ACTL8: variants seen among roughly 807,000 people sequenced by gnomAD.
ACTL8 encodes actin-like protein 8.
Under a neutral mutation model 9.3 loss-of-function variants are expected in ACTL8, and 3 were observed. That is an observed-to-expected ratio of 0.32 (90% CI 0.15 to 0.83). The LOEUF (loss-of-function observed/expected upper bound fraction) is 0.83. ACTL8 is among the 40% of genes least tolerant of loss of function. ACTL8 has a pLI of 0.57. For synonymous variants in ACTL8, 224 were observed against 205.9 expected, an observed-to-expected ratio of 1.09 and a Z score of -0.75; for missense variants, 381 against 492.2, an observed-to-expected ratio of 0.77 and a Z score of 2.14.
intron 1 of ACTL8, among the ~76,000 whole-genome samples, chr1:17,814,321 CTCCATA>C (rs2066410854): frequency 6.6e-6 from 1 of 152,200 alleles, no homozygotes. Context: ...ACAGAGCAGA[CTCCATA>C]TCTACCAACA....
At chr1:17,783,769 C>G (rs1331763884) in intron 1 of ACTL8, among the ~76,000 whole-genome samples, 2 of 152,240 alleles carry the variant, frequency 1.3e-5, no homozygotes, top group East Asian at 3.9e-4. Context: ...GAAAGCTTCT[C>G]TTAAGCTCCA....
chr1:17,805,913 C>T (rs2066357251), intron 1 of ACTL8, among the ~76,000 whole-genome samples: 1 of 152,236 alleles, frequency 6.6e-6, no homozygotes, highest in African/African-American at 2.4e-5. Context: ...TACCTATCCA[C>T]TCTTGTCCTA....
intron 2 of ACTL8, among the ~76,000 whole-genome samples, chr1:17,824,652 C>T (rs1165803718): frequency 1.3e-5 from 2 of 152,188 alleles, no homozygotes; most frequent in Admixed American, 1.3e-4. Context: ...GGCATACTTA[C>T]ACTACAATAT....
At chr1:17,783,261 G>A (rs943791655) in intron 1 of ACTL8, among the ~76,000 whole-genome samples, 12 of 152,092 alleles carry the variant, frequency 7.9e-5, no homozygotes, top group South Asian at 2.1e-4. Context: ...TTGAATCATG[G>A]GGGCAAATCT....
chr1:17,775,145 C>T (rs935019542), intron 1 of ACTL8, among the ~76,000 whole-genome samples: 10 of 152,218 alleles, frequency 6.6e-5, no homozygotes, highest in Non-Finnish European at 8.8e-5. Context: ...TAGCCTGATG[C>T]TCTCTAAATA....
chr1:17,821,141 G>T (rs2053657266), intron 1 of ACTL8, among the ~76,000 whole-genome samples: 1 of 151,730 alleles, frequency 6.6e-6, no homozygotes. Flanking sequence ...AAAAAAATTG[G>T]CTTGTTTCTC....
At chr1:17,760,127 G>A (rs1281179671) in intron 1 of ACTL8, among the ~76,000 whole-genome samples, 1 of 152,114 alleles carries the variant, frequency 6.6e-6, no homozygotes, top group East Asian at 1.9e-4. Context: ...GCTTTTTTGT[G>A]TTATGCGTTT....
intron 1 of ACTL8, among the ~76,000 whole-genome samples, chr1:17,763,147 G>A (rs2066019509): frequency 6.6e-6 from 1 of 152,158 alleles, no homozygotes. Flanking sequence ...AGACACTGTG[G>A]GCTCTGGGAC....
intron 1 of ACTL8, among the ~76,000 whole-genome samples, chr1:17,769,496 C>T (rs1396484923): frequency 7.3e-6 from 1 of 136,262 alleles, no homozygotes; most frequent in East Asian, 2.2e-4. Context: ...CTGCCCTGGA[C>T]ATTGGGGACC....
chr1:17,809,427 G>A (rs539463352), intron 1 of ACTL8, among the ~76,000 whole-genome samples: 4 of 152,262 alleles, frequency 2.6e-5, no homozygotes, highest in African/African-American at 9.6e-5. Flanking sequence ...TAGGGGCTGA[G>A]GAAGGAAGAA....
intron 1 of ACTL8, among the ~76,000 whole-genome samples, chr1:17,782,054 T>G (rs544117863): frequency 2.8e-4 from 42 of 152,264 alleles, no homozygotes; most frequent in African/African-American, 1.0e-3. Context: ...GAACCTGATT[T>G]TTTTGGATCT....
intron 1 of ACTL8, among the ~76,000 whole-genome samples, chr1:17,808,973 G>A (rs1381019284): frequency 1.3e-5 from 2 of 152,176 alleles, no homozygotes; most frequent in Non-Finnish European, 2.9e-5. Context: ...GGGAGCTGTT[G>A]AAGAGTTTGG....
At chr1:17,798,856 A>T (rs1434152239) in intron 1 of ACTL8, among the ~76,000 whole-genome samples, 1 of 152,196 alleles carries the variant, frequency 6.6e-6, no homozygotes, top group Non-Finnish European at 1.5e-5. Flanking sequence ...CGTGTAAAAT[A>T]AGCAGGCGTT....
At chr1:17,789,245 C>A (rs2066220484) in intron 1 of ACTL8, among the ~76,000 whole-genome samples, 1 of 152,054 alleles carries the variant, frequency 6.6e-6, no homozygotes, top group Admixed American at 6.6e-5. Flanking sequence ...GCGAGGGGAT[C>A]CCCTGACATA....
rs1208243681 is a variant in ACTL8 at position 17,767,548 on chromosome 1, TGGGTGCATGGCTCCC to T, written c.-25+12048_-25+12062del. 4.6e-5 allele frequency among the ~76,000 whole-genome samples: 7 copies of T among 152,348 alleles called. No homozygotes were observed. In the East Asian group the frequency reaches 1.4e-3, roughly 29 times the overall value. On this transcript the variant is annotated intron_variant, in intron 1 of 2. Coordinates refer to ENST00000375406, the MANE Select transcript of ACTL8 (RefSeq NM_030812.3). The surrounding 1 kb of genome is among the most constrained non-coding windows in gnomAD (Gnocchi z 4.7). Reference sequence around the variant, plus strand: ...GTTTGGCCTTGTCTAAGCCCGTGGCTGGGTGCATGGCTCCCGGGCACTGCTCTTTTGTGGCTGCCT... The same window carrying T: ...GTTTGGCCTTGTCTAAGCCCGTGGCTGGGCACTGCTCTTTTGTGGCTGCCT...
intron 1 of ACTL8, among the ~76,000 whole-genome samples, chr1:17,786,098 G>T (rs1246762429): frequency 6.6e-6 from 1 of 152,230 alleles, no homozygotes; most frequent in Non-Finnish European, 1.5e-5. Flanking sequence ...GCTCCCGCAG[G>T]CCTCTGCCAT....
intron 1 of ACTL8, among the ~76,000 whole-genome samples, chr1:17,765,369 C>T (rs1174822842): frequency 6.6e-6 from 1 of 152,214 alleles, no homozygotes; most frequent in African/African-American, 2.4e-5. Context: ...CTGTCCCCCA[C>T]TCCTTGCCTC....
intron 1 of ACTL8, among the ~76,000 whole-genome samples, chr1:17,813,513 A>G (rs1226220326): frequency 9.2e-5 from 14 of 152,134 alleles, no homozygotes; most frequent in Admixed American, 9.2e-4. Flanking sequence ...CTTTTTATAT[A>G]TTACTGGGCT....
At chr1:17,804,502 G>A (rs1223630961) in intron 1 of ACTL8, among the ~76,000 whole-genome samples, 2 of 152,176 alleles carry the variant, frequency 1.3e-5, no homozygotes, top group Admixed American at 6.5e-5. Flanking sequence ...CCTGGGTGCT[G>A]TGGACTGGGG....
Sources: gnomAD v4.1 joint callset for allele counts (sites outside exome capture counted in the v4.1 genomes callset) on GRCh38, gnomAD v4.1.1 for gene constraint, Gnocchi (gnomAD v3.1) non-coding constraint, MANE v1.5 for transcripts, NCBI Gene and HGNC (gene_info 2026-07-23, HGNC 2026-07-21) for gene names.